SLIT3: variants seen among roughly 807,000 people sequenced by gnomAD.
The protein encoded by SLIT3 is slit homolog 3 protein.
Under a neutral mutation model 184.0 loss-of-function variants are expected in SLIT3, and 68 were observed. That is an observed-to-expected ratio of 0.37 (90% CI 0.30 to 0.45). The LOEUF is 0.45. Ranked by LOEUF, SLIT3 falls within the 20% of genes least tolerant of loss-of-function variation. The probability of loss-of-function intolerance (pLI) is 1.00; values close to 1 mark genes in which losing one functional copy is unlikely to be tolerated. For synonymous variants in SLIT3, 831 were observed against 828.6 expected (o/e 1.00, Z -0.05); for missense variants, 1,707 against 2,026.0 (o/e 0.84, Z 3.02).
At chr5:169,054,579 C>T (rs976885019) in intron 4 of SLIT3, among the ~76,000 whole-genome samples, 7 of 152,088 alleles carry the variant, frequency 4.6e-5, no homozygotes, top group Admixed American at 2.0e-4. Context: ...CTTCCCAAAA[C>T]GCAACCCTAA....
chr5:169,298,857 A>C (rs1042567470), intron 1 of SLIT3, among the ~76,000 whole-genome samples: 1 of 152,244 alleles, frequency 6.6e-6, no homozygotes, highest in East Asian at 1.9e-4. Context: ...ATTCAATGAG[A>C]TAATACATAT....
At chr5:169,083,864 C>T (rs1759172278) in intron 4 of SLIT3, among the ~76,000 whole-genome samples, 1 of 152,190 alleles carries the variant, frequency 6.6e-6, no homozygotes, top group African/African-American at 2.4e-5. Context: ...CTAGGGCCTA[C>T]TTAGAATACC....
chr5:168,989,612 G>A (rs1476813670), intron 4 of SLIT3, among the ~76,000 whole-genome samples: 1 of 152,174 alleles, frequency 6.6e-6, no homozygotes. Flanking sequence ...AAATCTGAGT[G>A]GTAACCAACA....
At chr5:168,833,514 T>C (rs1018084559) in intron 6 of SLIT3, among the ~76,000 whole-genome samples, 2 of 152,148 alleles carry the variant, frequency 1.3e-5, no homozygotes, top group African/African-American at 2.4e-5. Flanking sequence ...GGACAATCTA[T>C]TGGGCACTAG....
At chr5:168,740,764 C>T (rs1763604014) in intron 20 of SLIT3, among the ~76,000 whole-genome samples, 1 of 152,222 alleles carries the variant, frequency 6.6e-6, no homozygotes, top group Non-Finnish European at 1.5e-5. Flanking sequence ...AAAATCAGGT[C>T]TCCTCCCAAA....
chr5:169,192,075 G>A (rs1763570785), intron 4 of SLIT3, among the ~76,000 whole-genome samples: 1 of 152,206 alleles, frequency 6.6e-6, no homozygotes, highest in Non-Finnish European at 1.5e-5. Context: ...ATGAAAGGCA[G>A]GGGATGTTAC....
intron 6 of SLIT3, among the ~76,000 whole-genome samples, chr5:168,833,119 G>A (rs1483503096): frequency 2.0e-5 from 3 of 152,160 alleles, no homozygotes; most frequent in Non-Finnish European, 4.4e-5. Flanking sequence ...ATAAGTTTCT[G>A]TTTCTAAAGG....
At chr5:169,222,388 T>A (rs1764642678) in intron 3 of SLIT3, among the ~76,000 whole-genome samples, 1 of 152,178 alleles carries the variant, frequency 6.6e-6, no homozygotes, top group East Asian at 1.9e-4. Flanking sequence ...CAGAAGTCAA[T>A]AGACTCCATT....
At chr5:168,794,160 A>T (rs1468726494) in intron 10 of SLIT3, among the ~76,000 whole-genome samples, 1 of 152,164 alleles carries the variant, frequency 6.6e-6, no homozygotes, top group African/African-American at 2.4e-5. Flanking sequence ...AGGGAAAGCA[A>T]TGAATCAGCC....
At chr5:169,219,943 T>G (rs1764567102) in intron 3 of SLIT3, among the ~76,000 whole-genome samples, 1 of 152,200 alleles carries the variant, frequency 6.6e-6, no homozygotes, top group African/African-American at 2.4e-5. Flanking sequence ...GAGACACAGA[T>G]GCAGAATCAG....
intron 4 of SLIT3, among the ~76,000 whole-genome samples, chr5:169,064,231 C>T (rs1052831998): frequency 1.3e-5 from 2 of 152,232 alleles, no homozygotes; most frequent in South Asian, 2.1e-4. Flanking sequence ...TAACTGAAGT[C>T]GGGAGGGGAG....
intron 4 of SLIT3, among the ~76,000 whole-genome samples, chr5:168,960,389 G>A (rs1323643789): frequency 1.3e-5 from 2 of 152,238 alleles, no homozygotes; most frequent in African/African-American, 4.8e-5. Context: ...GCCAGGAATT[G>A]TTCTAAGTGT....
rs370270230 is a variant in SLIT3, at chr5:169,179,276, CTTT to C, written c.413+14200_413+14202del. Among the ~76,000 whole-genome samples the C allele has an allele frequency of 8.6e-4, 107 of 125,042 alleles. 1 individual carries two copies. The highest frequency in any genetic ancestry group is 6.9e-3 in the South Asian group (26 of 3,754). The allele number at this position is 125,042 out of a possible 152,430, so 82.0% of individuals were successfully genotyped here. ...AAATTAGTGAAACCTATTCCTTTTT[CTTT>C]TTTTTTTTTTTTTTTTCCAGACCAA... On this transcript the variant is annotated intron_variant, in intron 4 of 35. Coordinates refer to ENST00000519560, the MANE Select transcript of SLIT3 (RefSeq NM_003062.4).
chr5:168,836,196 A>C (rs572118013), intron 6 of SLIT3, among the ~76,000 whole-genome samples: 1 of 152,308 alleles, frequency 6.6e-6, no homozygotes, highest in African/African-American at 2.4e-5. Flanking sequence ...GAGCTGTCCA[A>C]TCTTGGGCAT....
Position 168,774,396 on chromosome 5 carries a change from C to T in SLIT3, c.1152-18G>A. 6.2e-7 allele frequency: 1 copy of T among 1,600,326 alleles called. No individual in the cohort carries two copies. The highest frequency in any genetic ancestry group is 8.5e-7 in the Non-Finnish European group (1 of 1,173,668). Reference sequence around the variant, plus strand: ...TGAGGAGGCTGCAAACAGAAGAGAGCCTGGTTGATTCACTAATCCTGGTAA... The same window carrying T: ...TGAGGAGGCTGCAAACAGAAGAGAGTCTGGTTGATTCACTAATCCTGGTAA... On this transcript the variant is annotated intron_variant, in intron 12 of 35. Transcript: ENST00000519560.
At chr5:169,171,876 C>CGGCT (rs1561713363) in intron 4 of SLIT3, among the ~76,000 whole-genome samples, 2 of 152,128 alleles carry the variant, frequency 1.3e-5, no homozygotes, top group Admixed American at 1.3e-4. Context: ...AAGGGGCCTA[C>CGGCT]GGCTATTCTC....
chr5:169,250,017 T>C (rs776025543), intron 2 of SLIT3, among the ~76,000 whole-genome samples: 61 of 152,262 alleles, frequency 4.0e-4, no homozygotes, highest in Admixed American at 6.5e-4. Flanking sequence ...ATGGGTAGAC[T>C]ATCATTGTCT....
intron 1 of SLIT3, among the ~76,000 whole-genome samples, chr5:169,261,936 G>A (rs1014491180): frequency 6.6e-6 from 1 of 152,204 alleles, no homozygotes; most frequent in Non-Finnish European, 1.5e-5. Context: ...GGAACTGGAG[G>A]CAGCCTCTAC....
chr5:168,923,081 A>G (rs1761695643), intron 4 of SLIT3, among the ~76,000 whole-genome samples: 1 of 152,194 alleles, frequency 6.6e-6, no homozygotes, highest in Non-Finnish European at 1.5e-5. Context: ...CTTGTAGGAA[A>G]TAAAGAGTCA....
Sources: allele counts gnomAD v4.1 joint callset (sites outside exome capture counted in the v4.1 genomes callset), GRCh38; gene constraint gnomAD v4.1.1; transcripts MANE v1.5; gene names NCBI Gene and HGNC (gene_info 2026-07-23, HGNC 2026-07-21).